Variants in RFX4 observed in about 807,000 individuals in gnomAD.
RFX4 encodes the protein regulatory factor X4, also known as transcription factor RFX4.
RFX4 carries 10 observed loss-of-function variants against 95.0 expected under a neutral mutation model. The ratio of observed to expected loss-of-function variants is 0.11; its 90% CI spans 0.06 to 0.18. The LOEUF (loss-of-function observed/expected upper bound fraction) is 0.18. Among genes scored for constraint, RFX4 ranks in the 10% least tolerant of loss-of-function variants. RFX4 has a pLI of 1.00. For missense variants in RFX4, 640 were observed against 922.0 expected, an observed-to-expected ratio of 0.69 and a Z score of 3.96; for synonymous variants, 321 against 340.7, an observed-to-expected ratio of 0.94 and a Z score of 0.64.
rs1290871989 is a variant in RFX4 at position 106,583,292 on chromosome 12, G to A, written c.-29G>A. The A allele has an allele frequency of 1.3e-6, 2 of 1,563,556 alleles. No individual in the cohort carries two copies. The highest frequency in any genetic ancestry group is 1.7e-6 in the Non-Finnish European group (2 of 1,162,030). ...GATCCCCAAACATCAGGACTTTTGG[G>A]GGGCGCCTGTGCTGTCCATGGGAAG... On this transcript the variant is annotated 5_prime_UTR_variant, in exon 1 of 18. Coordinates refer to ENST00000392842, the MANE Select transcript of RFX4 (RefSeq NM_213594.3).
chr12:106,615,536 G>T (rs910785603), intron 2 of RFX4, among the ~76,000 whole-genome samples: 1 of 152,178 alleles, frequency 6.6e-6, no homozygotes, highest in Non-Finnish European at 1.5e-5. Context: ...TAGGATTTCT[G>T]ATGGGGATTG....
intron 13 of RFX4, among the ~76,000 whole-genome samples, chr12:106,721,424 C>T (rs1169877489): frequency 6.6e-6 from 1 of 152,224 alleles, no homozygotes; most frequent in Non-Finnish European, 1.5e-5. Context: ...ATCCCCACCT[C>T]AAGTCTTCAT....
intron 17 of RFX4, among the ~76,000 whole-genome samples, chr12:106,760,787 C>T (rs1360233729): frequency 6.6e-6 from 1 of 152,174 alleles, no homozygotes; most frequent in Non-Finnish European, 1.5e-5. Context: ...ATCTCCATAA[C>T]TAATGATAAA....
Position 106,662,765 on chromosome 12 carries a change from C to CT in RFX4, c.315+8421dup, listed in dbSNP as rs200455552. ...GGTATAAGGTCTGTATCTAGATTCA[C>CT]TTTTTTTGCATGTGTATATTCAGTT... On this transcript the variant is annotated intron_variant, in intron 4 of 17. Transcript: ENST00000392842. 8.3e-3 allele frequency among the ~76,000 whole-genome samples: 1,269 copies of CT among 152,056 alleles called. 19 individuals carry two copies. Among genetic ancestry groups the CT allele is most frequent in the African/African-American group, 0.029 (1,199 of 41,510 alleles).
chr12:106,651,191 A>T (rs901187280), intron 3 of RFX4, among the ~76,000 whole-genome samples: 2 of 152,040 alleles, frequency 1.3e-5, no homozygotes, highest in African/African-American at 4.8e-5. Context: ...ACTGTCTCCC[A>T]TCCTTGCTGT....
chr12:106,626,012 T>G (rs961488869), intron 2 of RFX4, among the ~76,000 whole-genome samples: 2 of 152,198 alleles, frequency 1.3e-5, no homozygotes, highest in Admixed American at 6.5e-5. Flanking sequence ...TCAATGAATT[T>G]TCAATCTAGA....
chr12:106,615,128 A>G (rs1320167513), intron 2 of RFX4, among the ~76,000 whole-genome samples: 1 of 152,132 alleles, frequency 6.6e-6, no homozygotes, highest in Admixed American at 6.6e-5. Flanking sequence ...TTTCATTTTT[A>G]TATCAATAGT....
intron 14 of RFX4, 91 bp from the exon 15 acceptor site, chr12:106,732,833 C>A: frequency 5.4e-6 from 7 of 1,286,696 alleles, no homozygotes; most frequent in Non-Finnish European, 7.6e-6. Flanking sequence ...TGACATCACA[C>A]AGATTAGAAT....
At chr12:106,687,182 T>TCTCTCACACACACA (rs1443795120) in intron 6 of RFX4, 85 bp downstream of exon 6, 20 of 547,198 alleles carry the variant, frequency 3.7e-5, no homozygotes, top group African/African-American at 3.4e-4. Context: ...TCTCTCTCTC[T>TCTCTCACACACACA]CACACACACA....
chr12:106,640,061 G>A (rs1191301478), intron 3 of RFX4, among the ~76,000 whole-genome samples: 1 of 152,154 alleles, frequency 6.6e-6, no homozygotes, highest in Non-Finnish European at 1.5e-5. Flanking sequence ...TGACGGGGAA[G>A]GAAAGAGAAA....
At chr12:106,759,923 C>CT (rs2136108194) in intron 17 of RFX4, among the ~76,000 whole-genome samples, 1 of 152,262 alleles carries the variant, frequency 6.6e-6, no homozygotes, top group African/African-American at 2.4e-5. Flanking sequence ...TGCTTCCGGC[C>CT]TAAGCGCCTT....
chr12:106,701,496 T>A (rs1318613047), intron 8 of RFX4, among the ~76,000 whole-genome samples: 2 of 152,194 alleles, frequency 1.3e-5, no homozygotes, highest in African/African-American at 4.8e-5. Flanking sequence ...ATATTTCAAT[T>A]ACAAGTATGT....
intron 2 of RFX4, among the ~76,000 whole-genome samples, chr12:106,628,532 G>C (rs2040350427): frequency 6.6e-6 from 1 of 152,042 alleles, no homozygotes; most frequent in Non-Finnish European, 1.5e-5. Flanking sequence ...CTCCCCTATA[G>C]GGTCTTTTTA....
chr12:106,669,406 G>A (rs1347305933), intron 4 of RFX4, among the ~76,000 whole-genome samples: 1 of 152,140 alleles, frequency 6.6e-6, no homozygotes, highest in Non-Finnish European at 1.5e-5. Flanking sequence ...GGTTGTGGGT[G>A]GCTCATCCTT....
intron 11 of RFX4, among the ~76,000 whole-genome samples, chr12:106,719,546 G>C (rs951444981): frequency 6.6e-6 from 1 of 152,134 alleles, no homozygotes; most frequent in East Asian, 1.9e-4. Flanking sequence ...GTAGAAAACC[G>C]ATAATAAAGT....
intron 3 of RFX4, among the ~76,000 whole-genome samples, chr12:106,640,681 G>A: frequency 6.6e-6 from 1 of 151,912 alleles, no homozygotes. Flanking sequence ...TAAGTATTAT[G>A]GCCATGCAAG....
chr12:106,656,277 G>A (rs2040955736), intron 4 of RFX4, among the ~76,000 whole-genome samples: 1 of 152,224 alleles, frequency 6.6e-6, no homozygotes, highest in Non-Finnish European at 1.5e-5. Flanking sequence ...TACACTAGCA[G>A]TTGCATTAAC....
chr12:106,728,874 A>G (rs2042556301), intron 13 of RFX4, among the ~76,000 whole-genome samples: 1 of 152,226 alleles, frequency 6.6e-6, no homozygotes, highest in African/African-American at 2.4e-5. Flanking sequence ...CACAATGGTA[A>G]GCAGGTAGCA....
chr12:106,646,172 G>A (rs989118669), intron 3 of RFX4, among the ~76,000 whole-genome samples: 1 of 152,142 alleles, frequency 6.6e-6, no homozygotes, highest in Non-Finnish European at 1.5e-5. Context: ...AGGTGTGTAA[G>A]GGGGCACATA....
Sources: gnomAD v4.1 joint callset for allele counts (sites outside exome capture counted in the v4.1 genomes callset) on GRCh38, gnomAD v4.1.1 for gene constraint, MANE v1.5 for transcripts, NCBI Gene and HGNC (gene_info 2026-07-23, HGNC 2026-07-21) for gene names.